INPP4B: variants seen among roughly 807,000 people sequenced by gnomAD.
The protein encoded by INPP4B is inositol polyphosphate 4-phosphatase type II.
A neutral mutation model predicts 122.5 loss-of-function variants in INPP4B; 55 were observed. The observed-to-expected ratio is 0.45, with a 90% CI of 0.36 to 0.56. INPP4B has a LOEUF of 0.56. INPP4B is among the 20% of genes least tolerant of loss of function. The pLI is 0.00. For missense variants in INPP4B, 1,000 were observed against 1,097.7 expected (o/e 0.91, Z 1.26); for synonymous variants, 403 against 388.7 (o/e 1.04, Z -0.43).
At chr4:142,494,021 A>G (rs1822208080) in intron 2 of INPP4B, among the ~76,000 whole-genome samples, 1 of 152,088 alleles carries the variant, frequency 6.6e-6, no homozygotes, top group Non-Finnish European at 1.5e-5. Context: ...GAGTTTTCAC[A>G]AGGTCTGATG....
At chr4:142,129,917 T>A (rs1800474331) in intron 18 of INPP4B, among the ~76,000 whole-genome samples, 1 of 152,194 alleles carries the variant, frequency 6.6e-6, no homozygotes, top group South Asian at 2.1e-4. Context: ...TGAGGTGCTG[T>A]GGGTGATACT....
chr4:142,642,397 T>C (rs960887080), intron 2 of INPP4B, among the ~76,000 whole-genome samples: 3 of 152,238 alleles, frequency 2.0e-5, no homozygotes, highest in Non-Finnish European at 4.4e-5. Flanking sequence ...TTTTATGGTT[T>C]TAGGTCCAAC....
intron 3 of INPP4B, among the ~76,000 whole-genome samples, chr4:142,445,610 C>A (rs979811142): frequency 6.6e-6 from 1 of 152,096 alleles, no homozygotes; most frequent in Non-Finnish European, 1.5e-5. Context: ...CTTGAGGACA[C>A]AAACATTCCT....
chr4:142,802,371 T>C (rs1057041707), intron 1 of INPP4B, among the ~76,000 whole-genome samples: 3 of 152,210 alleles, frequency 2.0e-5, no homozygotes, highest in Non-Finnish European at 4.4e-5. Flanking sequence ...TTACCTTTTT[T>C]TCCTGAATGT....
intron 12 of INPP4B, among the ~76,000 whole-genome samples, chr4:142,221,437 C>G (rs1201795289): frequency 6.6e-6 from 1 of 151,002 alleles, no homozygotes; most frequent in Non-Finnish European, 1.5e-5. Context: ...CAATCCCTCT[C>G]CCACTAGAAA....
At chr4:142,253,614 G>A (rs1312347354) in intron 11 of INPP4B, among the ~76,000 whole-genome samples, 1 of 152,170 alleles carries the variant, frequency 6.6e-6, no homozygotes, top group African/African-American at 2.4e-5. Context: ...GGAAAATCGG[G>A]TCAATCCCAC....
intron 2 of INPP4B, among the ~76,000 whole-genome samples, chr4:142,600,350 C>T (rs779309809): frequency 6.6e-6 from 1 of 152,008 alleles, no homozygotes; most frequent in Admixed American, 6.6e-5. Flanking sequence ...ACTCTAATAC[C>T]CAAGGGTACT....
At chr4:142,034,015 A>G (rs1192441291) in intron 25 of INPP4B, among the ~76,000 whole-genome samples, 1 of 152,098 alleles carries the variant, frequency 6.6e-6, no homozygotes, top group Non-Finnish European at 1.5e-5. Flanking sequence ...CAGGCCAATC[A>G]GCTAACATTT....
intron 3 of INPP4B, among the ~76,000 whole-genome samples, chr4:142,439,546 G>A (rs1431928169): frequency 6.6e-6 from 1 of 152,124 alleles, no homozygotes; most frequent in Non-Finnish European, 1.5e-5. Context: ...CTATCTATAT[G>A]TGTGTGTATT....
At chr4:142,126,909 G>A (rs1233472943) in intron 18 of INPP4B, among the ~76,000 whole-genome samples, 2 of 152,016 alleles carry the variant, frequency 1.3e-5, no homozygotes, top group Non-Finnish European at 2.9e-5. Context: ...CAATATGAAT[G>A]GGTAGACTAA....
chr4:142,104,866 A>G (rs1472205067), intron 23 of INPP4B, among the ~76,000 whole-genome samples: 2 of 152,186 alleles, frequency 1.3e-5, no homozygotes, highest in Admixed American at 1.3e-4. Context: ...CTGTTATACT[A>G]TATTTTAAAC....
chr4:142,564,131 T>C (rs890191), intron 2 of INPP4B, among the ~76,000 whole-genome samples: 36,714 of 152,066 alleles, frequency 0.24, 5,546 homozygotes, highest in East Asian at 0.77. Flanking sequence ...CCCATTTTGC[T>C]AAAACTTTAC....
chr4:142,348,745 G>C (rs1275458426), intron 7 of INPP4B, among the ~76,000 whole-genome samples: 1 of 152,078 alleles, frequency 6.6e-6, no homozygotes, highest in Non-Finnish European at 1.5e-5. Context: ...TTTGAAGGAA[G>C]AGTCCTTCCC....
intron 2 of INPP4B, among the ~76,000 whole-genome samples, chr4:142,537,427 TATAGAGAG>T (rs796828495): frequency 0.03 from 1,014 of 33,724 alleles, 5 homozygotes; most frequent in East Asian, 0.09. Context: ...TATATATATA[TATAGAGAG>T]AGAGAGAGAG....
intron 2 of INPP4B, among the ~76,000 whole-genome samples, chr4:142,500,072 A>C (rs1232799698): frequency 6.6e-6 from 1 of 152,180 alleles, no homozygotes; most frequent in Non-Finnish European, 1.5e-5. Flanking sequence ...ACAAGCTCTA[A>C]ACATTTGGCC....
chr4:142,721,855 T>C (rs1017814285), intron 2 of INPP4B, among the ~76,000 whole-genome samples: 17 of 152,066 alleles, frequency 1.1e-4, no homozygotes, highest in African/African-American at 3.6e-4. Context: ...TAGTAGGTTC[T>C]CCAGGTAGTC....
chr4:142,275,897 T>C (rs1371713500), intron 9 of INPP4B, among the ~76,000 whole-genome samples: 2 of 151,812 alleles, frequency 1.3e-5, no homozygotes, highest in Non-Finnish European at 2.9e-5. Context: ...CAACTTGATC[T>C]TGATTTTCTG....
At chr4:142,460,778 T>A (rs1816563972) in intron 3 of INPP4B, among the ~76,000 whole-genome samples, 1 of 152,122 alleles carries the variant, frequency 6.6e-6, no homozygotes, top group Non-Finnish European at 1.5e-5. Flanking sequence ...GTCGATGCCC[T>A]TTGCAACACA....
At chr4:142,190,949 A>G (rs571015692) in intron 15 of INPP4B, among the ~76,000 whole-genome samples, 1 of 152,116 alleles carries the variant, frequency 6.6e-6, no homozygotes, top group Non-Finnish European at 1.5e-5. Flanking sequence ...GCTCAACAGG[A>G]TTCTGACTAC....
Sources: gnomAD v4.1 joint callset for allele counts (sites outside exome capture counted in the v4.1 genomes callset) on GRCh38, gnomAD v4.1.1 for gene constraint, MANE v1.5 for transcripts, NCBI Gene and HGNC (gene_info 2026-07-23, HGNC 2026-07-21) for gene names.